PRUNE1: variants seen among roughly 807,000 people sequenced by gnomAD.
The protein encoded by PRUNE1 is exopolyphosphatase PRUNE1.
In PRUNE1, 25 loss-of-function variants were observed where a neutral mutation model predicts 42.5. That is an observed-to-expected ratio of 0.59 (90% CI 0.43 to 0.82). The LOEUF (loss-of-function observed/expected upper bound fraction) is 0.82. PRUNE1 is among the 40% of genes least tolerant of loss of function. The pLI is 0.00. For missense variants in PRUNE1, 443 were observed against 539.3 expected, an observed-to-expected ratio of 0.82 and a Z score of 1.77; for synonymous variants, 203 against 217.1, an observed-to-expected ratio of 0.93 and a Z score of 0.57.
intron 1 of PRUNE1, 41 bp downstream of exon 1, chr1:151,008,712 G>A: frequency 6.2e-7 from 1 of 1,610,914 alleles, no homozygotes; most frequent in Non-Finnish European, 8.5e-7. Context: ...ATGGAGCACG[G>A]GGTCCAGGAA....
At chr1:151,025,167 AGAG>A (rs1423587270) in intron 4 of PRUNE1, among the ~76,000 whole-genome samples, 23 of 113,238 alleles carry the variant, frequency 2.0e-4, no homozygotes, top group African/African-American at 6.9e-4. Context: ...GTAAAAAAAA[AGAG>A]AGAGAGAGTG....
At chr1:151,014,450 CT>C (rs1459367629) in intron 1 of PRUNE1, among the ~76,000 whole-genome samples, 1 of 152,118 alleles carries the variant, frequency 6.6e-6, no homozygotes, top group Admixed American at 6.5e-5. Flanking sequence ...AAACAAAAAC[CT>C]ATCTCGTAAC....
intron 3 of PRUNE1, among the ~76,000 whole-genome samples, chr1:151,020,843 A>C (rs1269172001): frequency 6.6e-6 from 1 of 151,774 alleles, no homozygotes; most frequent in African/African-American, 2.4e-5. Context: ...TTAGCCGGGC[A>C]TGGTGGCGGA....
Position 151,035,667 on chromosome 1 carries a change from T to C in PRUNE1, c.*1433T>C, listed in dbSNP as rs970105860. 1 of 152,616 alleles carries C rather than the reference T, an allele frequency of 6.6e-6. No homozygotes were observed. The highest frequency in any genetic ancestry group is 1.5e-5 in the Non-Finnish European group (1 of 68,050). The allele number at this position is 152,616 out of a possible 1,614,324, so 9.5% of individuals were successfully genotyped here. A position where few individuals can be genotyped will look rare whatever the true frequency, so the allele number is the denominator to read the frequency against. ...AGGAATTTATGTTTTGTAACTTGGGTACTTTATTTTGCATTTTGTTATACT... is the reference window on the plus strand; with the variant it reads ...AGGAATTTATGTTTTGTAACTTGGGCACTTTATTTTGCATTTTGTTATACT... On this transcript the variant is annotated 3_prime_UTR_variant, in exon 8 of 8. Coordinates refer to ENST00000271620, the MANE Select transcript of PRUNE1 (RefSeq NM_021222.3).
rs1674197254 is a variant in PRUNE1 at position 151,017,828 on chromosome 1, ATGT to A, written c.60_62del (p.Val21del). Reference sequence around the variant, plus strand: ...TCTCTCCAGGAGTCCCGACCTCTACATGTTGTGCTGGGAAATGAAGCCTGTGAT... The same window carrying A: ...TCTCTCCAGGAGTCCCGACCTCTACATGTGCTGGGAAATGAAGCCTGTGAT... On this transcript the variant is annotated inframe_deletion, in exon 2 of 8. Coordinates refer to ENST00000271620, the MANE Select transcript of PRUNE1 (RefSeq NM_021222.3). 1.3e-6 allele frequency: 2 copies of A among 1,597,320 alleles called. No individual in the cohort carries two copies. Among genetic ancestry groups the A allele is most frequent in the Non-Finnish European group, 1.7e-6 (2 of 1,165,062 alleles).
At position 151,017,781 on chromosome 1, in the gene PRUNE1, T is replaced by C. The variant is rs201053706; in HGVS notation, c.40-31T>C. 1.0e-4 allele frequency: 138 copies of C among 1,376,550 alleles called. No individual in the cohort carries two copies. In the African/African-American group the frequency reaches 1.9e-3, roughly 19 times the overall value. The allele number at this position is 1,376,550 out of a possible 1,614,324, so 85.3% of individuals were successfully genotyped here. A position where few individuals can be genotyped will look rare whatever the true frequency, so the allele number is the denominator to read the frequency against. On this transcript the variant is annotated intron_variant, in intron 1 of 7. Coordinates refer to ENST00000271620, the MANE Select transcript of PRUNE1 (RefSeq NM_021222.3). ...TAAGTGGAAATGAATAGAGATACTT[T>C]TGTTAGTTTCCCATTTTCCTTTCTC...
At chr1:151,017,001 A>G (rs373621054) in intron 1 of PRUNE1, among the ~76,000 whole-genome samples, 83 of 151,492 alleles carry the variant, frequency 5.5e-4, no homozygotes, top group African/African-American at 1.9e-3. Context: ...TCTCTACTAA[A>G]AATACAAAAT....
chr1:151,025,924 A>G (rs920940774), intron 5 of PRUNE1, among the ~76,000 whole-genome samples: 2 of 151,668 alleles, frequency 1.3e-5, no homozygotes, highest in Non-Finnish European at 2.9e-5. Context: ...TATTTTTAGT[A>G]AAGATCGGGT....
chr1:151,019,735 C>T (rs193286505), intron 3 of PRUNE1, among the ~76,000 whole-genome samples: 70 of 151,978 alleles, frequency 4.6e-4, no homozygotes, highest in African/African-American at 1.6e-3. Context: ...TTCCTAGGCT[C>T]ATGCTATCTT....
chr1:151,028,620 C>T (rs1473334894), intron 6 of PRUNE1, among the ~76,000 whole-genome samples, 166 bp from the exon 7 acceptor site: 3 of 152,124 alleles, frequency 2.0e-5, no homozygotes, highest in Non-Finnish European at 4.4e-5. Flanking sequence ...GACAGGGTTT[C>T]ACCATGTTGG....
At chr1:151,024,418 C>T (rs901317308) in intron 3 of PRUNE1, among the ~76,000 whole-genome samples, 193 bp from the exon 4 acceptor site, 7 of 152,054 alleles carry the variant, frequency 4.6e-5, no homozygotes, top group African/African-American at 1.7e-4. Context: ...TCGCTTGAAC[C>T]CGAGATGCAA....
chr1:151,029,739 A>G (rs1675125690), intron 7 of PRUNE1, among the ~76,000 whole-genome samples: 1 of 152,052 alleles, frequency 6.6e-6, no homozygotes, highest in Non-Finnish European at 1.5e-5. Flanking sequence ...AAAAAAAACA[A>G]AAACTCTATT....
intron 3 of PRUNE1, among the ~76,000 whole-genome samples, chr1:151,021,534 C>T (rs1233966727): frequency 6.6e-6 from 1 of 151,994 alleles, no homozygotes; most frequent in Non-Finnish European, 1.5e-5. Context: ...TAATTCCATC[C>T]CTAATTTACT....
rs1407040508 is a variant in PRUNE1, at chr1:151,024,614, T to G, written c.339T>G (p.Ser113Arg). The G allele has an allele frequency of 6.2e-7, 1 of 1,605,738 alleles. No individual in the cohort carries two copies. The highest frequency in any genetic ancestry group is 2.2e-5 in the East Asian group (1 of 44,832). The change falls in exon 4 of 8, where the codon AGT becomes AGG. Residue 113 changes from serine to arginine, a missense_variant. Coordinates refer to ENST00000271620, the MANE Select transcript of PRUNE1 (RefSeq NM_021222.3). ...ILVDHHILSK[S>R]DTALEEAVAE... ...TCCCATACCCTCCCCTCCACAGAAG[T>G]GACACAGCCCTAGAGGAGGCAGTAG...
At chr1:151,030,387 C>T (rs1675168753) in intron 7 of PRUNE1, among the ~76,000 whole-genome samples, 1 of 152,112 alleles carries the variant, frequency 6.6e-6, no homozygotes, top group Non-Finnish European at 1.5e-5. Context: ...GAAGGTATGT[C>T]TGTCCTTTCC....
At position 151,034,168 on chromosome 1, in the gene PRUNE1, C is replaced by A; in HGVS notation, c.1296C>A (p.Ala432=). 1.2e-6 allele frequency: 2 copies of A among 1,614,112 alleles called. No individual in the cohort carries two copies. The highest frequency in any genetic ancestry group is 2.2e-5 in the South Asian group (2 of 91,082). The stretch of plus-strand genomic sequence containing the variant: ...GGCTGCCTAAACTCTCTGCTGAGGC[C>A]GTCTTCGAGAAGTGCAGTCAGATCT... The part of the protein sequence containing the change: ...DQGLPKLSAE[A]VFEKCSQISL... Residue 432 remains alanine, a synonymous_variant, in exon 8 of 8, where the codon GCC becomes GCA. Transcript: ENST00000271620.
intron 7 of PRUNE1, among the ~76,000 whole-genome samples, chr1:151,030,477 G>C (rs1675174596): frequency 6.6e-6 from 1 of 152,082 alleles, no homozygotes; most frequent in East Asian, 1.9e-4. Flanking sequence ...ATTATGAAAA[G>C]AACTGCAGTT....
chr1:151,029,048 A>G, intron 7 of PRUNE1, 104 bp downstream of exon 7: 3 of 1,226,654 alleles, frequency 2.4e-6, no homozygotes, highest in African/African-American at 1.5e-5. Flanking sequence ...AGGTTCTTAT[A>G]TTAATGTACT....
chr1:151,033,390 AC>A (rs1278275074), intron 7 of PRUNE1, among the ~76,000 whole-genome samples: 1 of 125,968 alleles, frequency 7.9e-6, no homozygotes, highest in Non-Finnish European at 1.6e-5. Context: ...CGGCTGACTT[AC>A]TTTTTTTTTT....
Sources: gnomAD v4.1 joint callset for allele counts (sites outside exome capture counted in the v4.1 genomes callset) on GRCh38, gnomAD v4.1.1 for gene constraint, MANE v1.5 for transcripts, NCBI Gene and HGNC (gene_info 2026-07-23, HGNC 2026-07-21) for gene names.